The following U2SURP variants were observed in gnomAD, a reference collection of about 807,000 sequenced individuals.
The protein encoded by U2SURP is U2 snRNP-associated SURP motif-containing protein.
Under a neutral mutation model 144.9 loss-of-function variants are expected in U2SURP, and 9 were observed. That is an observed-to-expected ratio of 0.06 (90% CI 0.04 to 0.11). The LOEUF is 0.11. Ranked by LOEUF, U2SURP falls within the 10% of genes least tolerant of loss-of-function variation. The probability of loss-of-function intolerance (pLI) is 1.00; values close to 1 mark genes in which losing one functional copy is unlikely to be tolerated. For missense variants in U2SURP, 724 were observed against 1,226.7 expected, an observed-to-expected ratio of 0.59 and a Z score of 6.12; for synonymous variants, 408 against 396.8, an observed-to-expected ratio of 1.03 and a Z score of -0.33.
At chr3:143,002,575 C>T (rs974482027) in intron 1 of U2SURP, among the ~76,000 whole-genome samples, 39 of 152,132 alleles carry the variant, frequency 2.6e-4, no homozygotes, top group African/African-American at 9.4e-4. Context: ...GTTAAACTTT[C>T]CGATGCTGAT....
intron 1 of U2SURP, among the ~76,000 whole-genome samples, chr3:143,003,677 C>CTTTATTTTTTT (rs1935658068): frequency 9.9e-6 from 1 of 101,506 alleles, no homozygotes; most frequent in Non-Finnish European, 1.9e-5. Context: ...TATTTTATTT[C>CTTTATTTTTTT]TTTTTTTTTT....
chr3:143,013,665 A>G (rs1936222659), intron 3 of U2SURP, among the ~76,000 whole-genome samples: 1 of 152,114 alleles, frequency 6.6e-6, no homozygotes, highest in Admixed American at 6.5e-5. Flanking sequence ...TTCAGAAGGA[A>G]GTTGCTTCTA....
rs1470586777 is a variant in U2SURP, at chr3:143,046,959, C to CG, written c.2544+3683_2544+3684insG. 1.1e-4 allele frequency among the ~76,000 whole-genome samples: 15 copies of CG among 131,322 alleles called. 2 individuals carry two copies. The highest frequency in any genetic ancestry group is 3.2e-5 in the African/African-American group (1 of 31,104). 86.2% of individuals were successfully genotyped at this position (131,322 alleles called of 152,430 possible). A position where few individuals can be genotyped will look rare whatever the true frequency, so the allele number is the denominator to read the frequency against. The stretch of plus-strand genomic sequence containing the variant: ...GGCCGGGCAGGGGGCTGACCTCCCC[C>CG]ACCTCCCTCCCGGACGGGGCGGCTG... On this transcript the variant is annotated intron_variant, in intron 24 of 27. Coordinates refer to ENST00000473835, the MANE Select transcript of U2SURP (RefSeq NM_001080415.2).
rs1395002692 is a variant in U2SURP, at chr3:143,028,478, GT to G, written c.1447-3del. On this transcript the variant is annotated splice_region_variant and splice_polypyrimidine_tract_variant and intron_variant, in intron 15 of 27. Coordinates refer to ENST00000473835, the MANE Select transcript of U2SURP (RefSeq NM_001080415.2). ...ACCTTTATAATAACTCTAAATGTTT[GT>G]TAGGGAGATTCTCCAACTAAATGGC... 1.3e-6 allele frequency: 2 copies of G among 1,595,944 alleles called. No individual in the cohort carries two copies. Among genetic ancestry groups the G allele is most frequent in the Non-Finnish European group, 8.5e-7 (1 of 1,175,072 alleles).
At chr3:143,021,235 CTTT>C in intron 8 of U2SURP, 112 bp from the exon 9 acceptor site, 1 of 1,169,074 alleles carries the variant, frequency 8.6e-7, no homozygotes, top group Non-Finnish European at 1.2e-6. Flanking sequence ...AGTGGTCTCT[CTTT>C]TTGTCTCTCA....
At chr3:143,001,754 G>A in intron 1 of U2SURP, 81 bp downstream of exon 1, 1 of 1,573,930 alleles carries the variant, frequency 6.4e-7, no homozygotes, top group African/African-American at 1.3e-5. Context: ...CCTGTGAGAG[G>A]CGATTGGGAT....
In U2SURP at chr3:143,047,761, C is replaced by T. The variant is rs1934601951; in HGVS notation, c.2545-3178C>T. On this transcript the variant is annotated intron_variant, in intron 24 of 27. Coordinates refer to ENST00000473835, the MANE Select transcript of U2SURP (RefSeq NM_001080415.2). Reference sequence around the variant, plus strand: ...CTGGCCGGGCGGGGGGCTGACCCTCCCACCTCCCTCCTGAACGGGGCGACT... The same window carrying T: ...CTGGCCGGGCGGGGGGCTGACCCTCTCACCTCCCTCCTGAACGGGGCGACT... Among the ~76,000 whole-genome samples the T allele has an allele frequency of 2.5e-5, 2 of 79,032 alleles. 1 individual carries two copies. Among genetic ancestry groups the T allele is most frequent in the Non-Finnish European group, 5.3e-5 (2 of 38,026 alleles). The allele number at this position is 79,032 out of a possible 152,430, so 51.8% of individuals were successfully genotyped here.
Position 143,035,699 on chromosome 3 carries a change from G to A in U2SURP, c.1942-283G>A, listed in dbSNP as rs149321794. Among the ~76,000 whole-genome samples, 60 of 152,208 alleles carry A rather than the reference G, an allele frequency of 3.9e-4. No individual in the cohort carries two copies. In the East Asian group the frequency reaches 0.011, roughly 27 times the overall value. ...AAGTGTTTCTGGAATGTGGCTCATG[G>A]GTAGTACTAATGGTATGGGAGCTGA... On this transcript the variant is annotated intron_variant, in intron 19 of 27. Coordinates refer to ENST00000473835, the MANE Select transcript of U2SURP (RefSeq NM_001080415.2).
At chr3:143,054,090 A>C (rs1445400362) in intron 26 of U2SURP, among the ~76,000 whole-genome samples, 1 of 152,228 alleles carries the variant, frequency 6.6e-6, no homozygotes, top group Non-Finnish European at 1.5e-5. Context: ...GTAACAAAAC[A>C]ACTTGCTAGA....
intron 23 of U2SURP, among the ~76,000 whole-genome samples, chr3:143,041,559 GTT>G (rs1176167249): frequency 6.6e-6 from 1 of 151,872 alleles, no homozygotes; most frequent in Non-Finnish European, 1.5e-5. Flanking sequence ...TAGTATCAGA[GTT>G]TTCTCAGTAC....
At position 143,001,847 on chromosome 3, in the gene U2SURP, A is replaced by G. The variant is rs113402301; in HGVS notation, c.45+174A>G. ...AGGTTGAGAGGCCTGGTATCTCCCCATAGTCCCAGCCGGGATTCAGCTCGA... is the reference window on the plus strand; with the variant it reads ...AGGTTGAGAGGCCTGGTATCTCCCCGTAGTCCCAGCCGGGATTCAGCTCGA... On this transcript the variant is annotated intron_variant, in intron 1 of 27. Coordinates refer to ENST00000473835, the MANE Select transcript of U2SURP (RefSeq NM_001080415.2). Among the ~76,000 whole-genome samples, 233 of 152,328 alleles carry G rather than the reference A, an allele frequency of 1.5e-3. 1 individual carries two copies. Among genetic ancestry groups the G allele is most frequent in the African/African-American group, 5.4e-3 (225 of 41,574 alleles).
At chr3:143,033,143 C>A in intron 17 of U2SURP, 128 bp from the exon 18 acceptor site, 1 of 820,656 alleles carries the variant, frequency 1.2e-6, no homozygotes, top group Non-Finnish European at 1.9e-6. Flanking sequence ...CAAATTTCAT[C>A]TCTGCCAGAG....
chr3:143,044,739 C>T (rs1335094604), intron 24 of U2SURP, among the ~76,000 whole-genome samples: 1 of 152,212 alleles, frequency 6.6e-6, no homozygotes, highest in South Asian at 2.1e-4. Flanking sequence ...CCCTTACTAA[C>T]TTATGATACC....
At chr3:143,048,196 C>A (rs958346837) in intron 24 of U2SURP, among the ~76,000 whole-genome samples, 6 of 152,150 alleles carry the variant, frequency 3.9e-5, no homozygotes, top group African/African-American at 1.4e-4. Context: ...TGGGCCACTT[C>A]CTTTTGTGTT....
At chr3:143,038,456 G>A (rs1933926934) in intron 22 of U2SURP, among the ~76,000 whole-genome samples, 1 of 151,960 alleles carries the variant, frequency 6.6e-6, no homozygotes, top group African/African-American at 2.4e-5. Flanking sequence ...AGGCATTTTA[G>A]TAGCAAATGT....
intron 1 of U2SURP, among the ~76,000 whole-genome samples, chr3:143,009,469 G>A (rs1295866462): frequency 6.6e-5 from 10 of 151,998 alleles, no homozygotes; most frequent in South Asian, 2.1e-4. Context: ...ATGGTGGTGC[G>A]TGCCTGTACT....
intron 1 of U2SURP, among the ~76,000 whole-genome samples, chr3:143,009,202 A>G (rs765217069): frequency 7.2e-5 from 11 of 152,238 alleles, no homozygotes; most frequent in Non-Finnish European, 1.5e-4. Flanking sequence ...AATAAATACT[A>G]AAAATTTTCT....
At chr3:143,022,710 G>A in intron 11 of U2SURP, 48 bp downstream of exon 11, 1 of 1,540,722 alleles carries the variant, frequency 6.5e-7, no homozygotes, top group South Asian at 1.2e-5. Flanking sequence ...TATTTCTTTG[G>A]TTTGGAAAAG....
In U2SURP at chr3:143,004,353, G is replaced by GT. The variant is rs869186497; in HGVS notation, c.45+2708dup. On this transcript the variant is annotated intron_variant, in intron 1 of 27. Coordinates refer to ENST00000473835, the MANE Select transcript of U2SURP (RefSeq NM_001080415.2). ...CCTCTACAGGTCTTCTAGTTGGGGT[G>GT]TTTTTTTTTTTTTTTTTTTTTTTTT... Among the ~76,000 whole-genome samples the GT allele has an allele frequency of 7.5e-3, 626 of 83,424 alleles. 63 individuals are homozygous for GT. The highest frequency in any genetic ancestry group is 0.01 in the Non-Finnish European group (437 of 42,428). 54.7% of individuals were successfully genotyped at this position (83,424 alleles called of 152,430 possible).
Sources: allele counts gnomAD v4.1 joint callset (sites outside exome capture counted in the v4.1 genomes callset), GRCh38; gene constraint gnomAD v4.1.1; transcripts MANE v1.5; gene names NCBI Gene and HGNC (gene_info 2026-07-23, HGNC 2026-07-21).